The following PLXNA4 variants were observed in gnomAD, a reference collection of about 807,000 sequenced individuals.
The protein encoded by PLXNA4 is plexin-A4.
A neutral mutation model predicts 191.8 loss-of-function variants in PLXNA4; 44 were observed. The observed-to-expected ratio is 0.23, with a 90% CI of 0.18 to 0.29. PLXNA4 has a LOEUF of 0.29. Ranked by LOEUF, PLXNA4 falls within the 10% of genes least tolerant of loss-of-function variation. PLXNA4 has a pLI of 1.00. For missense variants in PLXNA4, 1,800 were observed against 2,488.8 expected, an observed-to-expected ratio of 0.72 and a Z score of 5.89; for synonymous variants, 1,082 against 1,009.5, an observed-to-expected ratio of 1.07 and a Z score of -1.36.
intron 9 of PLXNA4, among the ~76,000 whole-genome samples, chr7:132,221,392 A>T (rs1223768285): frequency 6.6e-6 from 1 of 152,212 alleles, no homozygotes; most frequent in East Asian, 1.9e-4. Context: ...CAGTCTGGAA[A>T]GCTGGAGAGA....
intron 2 of PLXNA4, among the ~76,000 whole-genome samples, chr7:132,630,349 T>C (rs1469716105): frequency 6.6e-6 from 1 of 152,212 alleles, no homozygotes; most frequent in Non-Finnish European, 1.5e-5. Context: ...TCAGACTCTA[T>C]TGCCTCTGAC....
intron 3 of PLXNA4, among the ~76,000 whole-genome samples, chr7:132,443,738 C>T (rs1795787781): frequency 6.6e-6 from 1 of 152,216 alleles, no homozygotes; most frequent in Non-Finnish European, 1.5e-5. Context: ...AAGGATTCAG[C>T]AGAGAAAATT....
chr7:132,366,309 A>C (rs781257516), intron 3 of PLXNA4, among the ~76,000 whole-genome samples: 1 of 152,270 alleles, frequency 6.6e-6, no homozygotes, highest in South Asian at 2.1e-4. Context: ...GCGGATCACA[A>C]GGTCAGGAGT....
At chr7:132,350,759 A>G (rs1803450997) in intron 3 of PLXNA4, among the ~76,000 whole-genome samples, 5 of 152,208 alleles carry the variant, frequency 3.3e-5, no homozygotes, top group Admixed American at 2.0e-4. Context: ...TAGATTTACT[A>G]TATGATCCCA....
At chr7:132,350,017 C>T (rs1004433810) in intron 3 of PLXNA4, among the ~76,000 whole-genome samples, 1 of 152,124 alleles carries the variant, frequency 6.6e-6, no homozygotes, top group African/African-American at 2.4e-5. Flanking sequence ...GCAGCCCTCC[C>T]CTTTGTAAGC....
chr7:132,624,397 T>A (rs894635921), intron 2 of PLXNA4, among the ~76,000 whole-genome samples: 1 of 152,216 alleles, frequency 6.6e-6, no homozygotes, highest in African/African-American at 2.4e-5. Flanking sequence ...GTTCTGTCTC[T>A]TCACACTGAG....
intron 3 of PLXNA4, among the ~76,000 whole-genome samples, chr7:132,312,689 G>A (rs1801790375): frequency 6.6e-6 from 1 of 152,152 alleles, no homozygotes; most frequent in African/African-American, 2.4e-5. Context: ...AGCTCTGCCA[G>A]GACCTAGCTA....
chr7:132,308,234 A>G (rs1388023924), intron 3 of PLXNA4, among the ~76,000 whole-genome samples: 1 of 152,200 alleles, frequency 6.6e-6, no homozygotes, highest in Non-Finnish European at 1.5e-5. Flanking sequence ...TGAGTGCACC[A>G]TTCCCAGAGA....
intron 4 of PLXNA4, among the ~76,000 whole-genome samples, chr7:132,291,106 T>G (rs987994013): frequency 2.6e-5 from 4 of 152,068 alleles, no homozygotes; most frequent in Non-Finnish European, 5.9e-5. Flanking sequence ...ACTCACCACT[T>G]TCCCCCTTCT....
intron 2 of PLXNA4, among the ~76,000 whole-genome samples, chr7:132,629,116 C>T (rs1803442393): frequency 6.6e-6 from 1 of 152,160 alleles, no homozygotes; most frequent in African/African-American, 2.4e-5. Flanking sequence ...ACCTTTAGAT[C>T]TTTTCTCTTG....
At chr7:132,603,906 T>C (rs894314551) in intron 2 of PLXNA4, among the ~76,000 whole-genome samples, 2 of 152,178 alleles carry the variant, frequency 1.3e-5, no homozygotes, top group Non-Finnish European at 2.9e-5. Flanking sequence ...TTCAAATAGA[T>C]CTAAATTAAA....
intron 5 of PLXNA4, among the ~76,000 whole-genome samples, chr7:132,237,807 G>C (rs888504068): frequency 6.6e-6 from 1 of 152,110 alleles, no homozygotes; most frequent in Non-Finnish European, 1.5e-5. Context: ...CGGAGTTATC[G>C]TGGAATCTAT....
rs1362150962 is a variant in PLXNA4 at position 132,562,277 on chromosome 7, TCTC to T, written c.-87+14142_-87+14144del. Reference sequence around the variant, plus strand: ...TCCTCCTCTTCTTTCTCTGCCTCCTTCTCCTCCTCCTCCTTCTCCTCCTTCTCC... The same window carrying T: ...TCCTCCTCTTCTTTCTCTGCCTCCTTCTCCTCCTCCTTCTCCTCCTTCTCC... On this transcript the variant is annotated intron_variant, in intron 1 of 31. Transcript: ENST00000321063. Among the ~76,000 whole-genome samples the T allele has an allele frequency of 2.6e-4, 23 of 87,742 alleles. 1 individual carries two copies. Among genetic ancestry groups the T allele is most frequent in the African/African-American group, 6.9e-4 (14 of 20,350 alleles). 57.6% of individuals were successfully genotyped at this position (87,742 alleles called of 152,430 possible).
At chr7:132,566,076 C>T (rs994272056) in intron 1 of PLXNA4, among the ~76,000 whole-genome samples, 2 of 152,162 alleles carry the variant, frequency 1.3e-5, no homozygotes, top group African/African-American at 4.8e-5. Flanking sequence ...GATAGAATCA[C>T]CAGTGCAATG....
Position 132,159,523 on chromosome 7 carries a change from A to G in PLXNA4, c.4610T>C (p.Phe1537Ser). Reference sequence around the variant, plus strand: ...CCGGTGGGAGCAAGGCACATTCTTGAAGATGGCATCCAGAATCTTCTCCTT... The same window carrying G: ...CCGGTGGGAGCAAGGCACATTCTTGGAGATGGCATCCAGAATCTTCTCCTT... The part of the protein sequence containing the change: ...QVKEKILDAI[F>S]KNVPCSHRPK... The change falls in exon 25 of 32, where the codon TTC (phenylalanine) becomes TCC (serine). Residue 1537 changes from phenylalanine to serine, a missense_variant. Physicochemically the swap from Phe to Ser is radical, Grantham distance 155. Transcript: ENST00000321063. 1 of 1,614,162 alleles carries G rather than the reference A, an allele frequency of 6.2e-7. No homozygotes were observed. The highest frequency in any genetic ancestry group is 2.2e-5 in the East Asian group (1 of 44,866).
rs575161402 is a variant in PLXNA4 at position 132,270,602 on chromosome 7, G to A, written c.1503+27489C>T. Among the ~76,000 whole-genome samples, 201 of 152,320 alleles carry A rather than the reference G, an allele frequency of 1.3e-3. 1 individual carries two copies. Among genetic ancestry groups the A allele is most frequent in the African/African-American group, 4.0e-3 (168 of 41,580 alleles). On this transcript the variant is annotated intron_variant, in intron 4 of 31. Coordinates refer to ENST00000321063, the MANE Select transcript of PLXNA4 (RefSeq NM_020911.2). ...TGGGATAGAGGAATGAGAGCAAGAAGTATTTTAATTGCAATACCTTGTGTT... is the reference window on the plus strand; with the variant it reads ...TGGGATAGAGGAATGAGAGCAAGAAATATTTTAATTGCAATACCTTGTGTT...
At chr7:132,436,359 C>T (rs1795468516) in intron 3 of PLXNA4, among the ~76,000 whole-genome samples, 1 of 152,204 alleles carries the variant, frequency 6.6e-6, no homozygotes, top group African/African-American at 2.4e-5. Flanking sequence ...TGAGGTAAGG[C>T]CATGGCAACG....
At chr7:132,300,355 G>A (rs541145070) in intron 3 of PLXNA4, among the ~76,000 whole-genome samples, 1 of 152,298 alleles carries the variant, frequency 6.6e-6, no homozygotes, top group East Asian at 1.9e-4. Flanking sequence ...TCTGTCTCTA[G>A]TCTGTACAAT....
At chr7:132,276,265 G>A (rs1249175056) in intron 4 of PLXNA4, among the ~76,000 whole-genome samples, 2 of 152,172 alleles carry the variant, frequency 1.3e-5, no homozygotes, top group East Asian at 3.9e-4. Flanking sequence ...CCCCAGAAGA[G>A]TTTTTCTACC....
Sources: gnomAD v4.1 joint callset for allele counts (sites outside exome capture counted in the v4.1 genomes callset) on GRCh38, gnomAD v4.1.1 for gene constraint, MANE v1.5 for transcripts, NCBI Gene and HGNC (gene_info 2026-07-23, HGNC 2026-07-21) for gene names.